The following SCHIP1 variants were observed in gnomAD, a reference collection of about 807,000 sequenced individuals.
SCHIP1 encodes schwannomin-interacting protein 1.
Under a neutral mutation model 29.7 loss-of-function variants are expected in SCHIP1, and 8 were observed. The ratio of observed to expected loss-of-function variants is 0.27; its 90% confidence interval spans 0.16 to 0.49. The LOEUF is 0.49. SCHIP1 is among the 20% of genes least tolerant of loss of function. SCHIP1 has a pLI of 0.99. For missense variants in SCHIP1, 193 were observed against 294.6 expected, an observed-to-expected ratio of 0.66 and a Z score of 2.52; for synonymous variants, 76 against 94.9, an observed-to-expected ratio of 0.80 and a Z score of 1.16.
the SCHIP1 span, among the ~76,000 whole-genome samples, chr3:159,789,920 G>A: frequency 6.6e-6 from 1 of 152,140 alleles, no homozygotes; most frequent in Non-Finnish European, 1.5e-5. Flanking sequence ...CCATCCTGTG[G>A]GCAGCTCCAC....
At chr3:159,603,167 A>G in the SCHIP1 span, among the ~76,000 whole-genome samples, 6 of 152,194 alleles carry the variant, frequency 3.9e-5, no homozygotes, top group African/African-American at 9.7e-5. Context: ...AGGGTATTAC[A>G]AAAAAACACA....
At chr3:159,436,721 G>A in the SCHIP1 span, among the ~76,000 whole-genome samples, 2 of 152,272 alleles carry the variant, frequency 1.3e-5, no homozygotes, top group African/African-American at 4.8e-5. Context: ...TAAATACTGA[G>A]AGGGCCAGTA....
upstream of SCHIP1, among the ~76,000 whole-genome samples, chr3:159,837,664 A>G (rs1342640040): frequency 2.0e-5 from 3 of 151,964 alleles, no homozygotes; most frequent in Admixed American, 1.3e-4. Flanking sequence ...CAGAGGTTGC[A>G]GTGAGCCGAT....
At chr3:159,489,818 T>C in the SCHIP1 span, among the ~76,000 whole-genome samples, 2 of 152,116 alleles carry the variant, frequency 1.3e-5, 1 homozygote, top group East Asian at 3.8e-4. Context: ...TTCTAAGACA[T>C]GTTGATAAAC....
At chr3:159,755,809 A>T in the SCHIP1 span, among the ~76,000 whole-genome samples, 1 of 152,266 alleles carries the variant, frequency 6.6e-6, no homozygotes, top group African/African-American at 2.4e-5. Context: ...CACATTGGCC[A>T]AAACAAAGGG....
the SCHIP1 span, among the ~76,000 whole-genome samples, chr3:159,446,001 A>G: frequency 6.7e-6 from 1 of 150,346 alleles, no homozygotes; most frequent in Admixed American, 6.6e-5. Context: ...CATTGTGCAC[A>G]TGTACCCTAA....
At chr3:159,349,947 T>A in the SCHIP1 span, among the ~76,000 whole-genome samples, 1 of 152,174 alleles carries the variant, frequency 6.6e-6, no homozygotes, top group South Asian at 2.1e-4. Context: ...CCTCTTCAAC[T>A]CTGTGAGGTG....
At chr3:159,274,290 A>C in the SCHIP1 span, 4,470 of 985,104 alleles carry the variant, frequency 4.5e-3, 136 homozygotes, top group African/African-American at 0.069. Context: ...TGGGAAGATC[A>C]GTGTTAAACT....
chr3:159,393,157 GTTGT>G, the SCHIP1 span, among the ~76,000 whole-genome samples: 3 of 152,094 alleles, frequency 2.0e-5, no homozygotes, highest in Non-Finnish European at 2.9e-5. Context: ...TTTTGATGGG[GTTGT>G]TTGTTTTTTT....
At chr3:159,830,228 G>A in the SCHIP1 span, among the ~76,000 whole-genome samples, 1 of 152,112 alleles carries the variant, frequency 6.6e-6, no homozygotes, top group Non-Finnish European at 1.5e-5. Context: ...TATAAATTCT[G>A]CTTTCTCTTT....
the SCHIP1 span, among the ~76,000 whole-genome samples, chr3:159,793,262 C>T: frequency 6.6e-6 from 1 of 152,156 alleles, no homozygotes; most frequent in Non-Finnish European, 1.5e-5. Flanking sequence ...CTCTCTGTCT[C>T]TCTGTCTCTC....
At chr3:159,481,041 A>AC in the SCHIP1 span, among the ~76,000 whole-genome samples, 2 of 152,142 alleles carry the variant, frequency 1.3e-5, no homozygotes, top group Admixed American at 1.3e-4. Context: ...AGGAGAAGGA[A>AC]TCTCACAAGG....
chr3:159,390,813 C>T, the SCHIP1 span, among the ~76,000 whole-genome samples: 1 of 151,524 alleles, frequency 6.6e-6, no homozygotes, highest in East Asian at 2.0e-4. Context: ...GTCATGCAGC[C>T]AATTCATTCA....
At chr3:159,520,162 A>C in the SCHIP1 span, among the ~76,000 whole-genome samples, 1 of 152,040 alleles carries the variant, frequency 6.6e-6, no homozygotes, top group African/African-American at 2.4e-5. Context: ...GTAAAATTAT[A>C]ACAAGGTGAG....
the SCHIP1 span, among the ~76,000 whole-genome samples, chr3:159,364,871 A>T: frequency 6.6e-6 from 1 of 152,172 alleles, no homozygotes; most frequent in African/African-American, 2.4e-5. Flanking sequence ...ATGTCATCAG[A>T]TACTTTCATA....
chr3:159,659,638 A>C, the SCHIP1 span, among the ~76,000 whole-genome samples: 1 of 152,198 alleles, frequency 6.6e-6, no homozygotes, highest in Non-Finnish European at 1.5e-5. Context: ...CACTTCTTCA[A>C]TTGTGCTAAG....
At chr3:159,694,351 C>T in the SCHIP1 span, among the ~76,000 whole-genome samples, 1 of 151,944 alleles carries the variant, frequency 6.6e-6, no homozygotes, top group African/African-American at 2.4e-5. Flanking sequence ...GAAACCCCGT[C>T]TCTACCAAAA....
the SCHIP1 span, among the ~76,000 whole-genome samples, chr3:159,362,726 C>T: frequency 6.6e-6 from 1 of 152,184 alleles, no homozygotes; most frequent in Non-Finnish European, 1.5e-5. Context: ...GCCTGTCATT[C>T]CTAACACTGA....
chr3:159,296,016 A>G, the SCHIP1 span, among the ~76,000 whole-genome samples: 1 of 152,200 alleles, frequency 6.6e-6, no homozygotes. Context: ...TTTTTGCACT[A>G]GGATGCACAG....
Sources: gnomAD v4.1 joint callset for allele counts (sites outside exome capture counted in the v4.1 genomes callset) on GRCh38, gnomAD v4.1.1 for gene constraint, MANE v1.5 for transcripts, NCBI Gene and HGNC (gene_info 2026-07-23, HGNC 2026-07-21) for gene names.